The following DLGAP2 variants were observed in gnomAD, a reference collection of about 807,000 sequenced individuals.
DLGAP2 encodes disks large-associated protein 2.
DLGAP2 carries 26 observed loss-of-function variants against 100.3 expected under a neutral mutation model. The observed-to-expected ratio is 0.26, with a 90% CI of 0.19 to 0.36. DLGAP2 has a LOEUF of 0.36. DLGAP2 is among the 10% of genes least tolerant of loss of function. The probability of loss-of-function intolerance (pLI) is 1.00; values close to 1 mark genes in which losing one functional copy is unlikely to be tolerated. For synonymous variants in DLGAP2, 886 were observed against 630.1 expected (o/e 1.41, Z -6.08); for missense variants, 1,858 against 1,453.2 (o/e 1.28, Z -4.53).
At chr8:1,666,439 G>A (rs1359564495) in intron 8 of DLGAP2, among the ~76,000 whole-genome samples, 3 of 152,166 alleles carry the variant, frequency 2.0e-5, no homozygotes, top group Non-Finnish European at 2.9e-5. Flanking sequence ...TTGGGAGACC[G>A]AGGTGGGTGG....
At chr8:1,190,588 C>G (rs10108815) in intron 2 of DLGAP2, among the ~76,000 whole-genome samples, 65,889 of 151,978 alleles carry the variant, frequency 0.43, 14,399 homozygotes, top group Non-Finnish European at 0.46. Flanking sequence ...CCGCCTGTCG[C>G]AATCAGCATT....
chr8:1,680,470 A>C (rs1300839398), intron 12 of DLGAP2: 1 of 152,208 alleles, frequency 6.6e-6, no homozygotes, highest in African/African-American at 2.4e-5. Context: ...TGAAGAAAGA[A>C]AGACATTGCC....
intron 4 of DLGAP2, among the ~76,000 whole-genome samples, chr8:1,532,564 A>T (rs542572113): frequency 6.6e-6 from 1 of 152,308 alleles, no homozygotes; most frequent in African/African-American, 2.4e-5. Context: ...TATTTCTCAG[A>T]AGGTCACACT....
intron 3 of DLGAP2, among the ~76,000 whole-genome samples, chr8:1,329,926 T>A (rs1166795473): frequency 2.6e-5 from 4 of 152,236 alleles, no homozygotes; most frequent in Admixed American, 2.0e-4. Flanking sequence ...CGCCCTGCCG[T>A]GCAGTAGAAC....
intron 4 of DLGAP2, among the ~76,000 whole-genome samples, chr8:1,528,016 C>A (rs1040240482): frequency 3.3e-5 from 5 of 152,124 alleles, no homozygotes; most frequent in African/African-American, 1.2e-4. Flanking sequence ...AGAAAAAAGT[C>A]CTTACTGAAA....
intron 6 of DLGAP2, among the ~76,000 whole-genome samples, chr8:1,617,230 T>A (rs1709895736): frequency 6.6e-6 from 1 of 152,274 alleles, no homozygotes; most frequent in Non-Finnish European, 1.5e-5. Context: ...TCTCTTCCTT[T>A]GTGTGTATAC....
chr8:827,867 G>A (rs531240426), intron 1 of DLGAP2, among the ~76,000 whole-genome samples: 2 of 152,164 alleles, frequency 1.3e-5, no homozygotes, highest in South Asian at 2.1e-4. Flanking sequence ...CCTAAGCGTC[G>A]GCTGGCTTGA....
chr8:1,064,885 T>G (rs1382411330), intron 2 of DLGAP2, among the ~76,000 whole-genome samples: 2 of 152,162 alleles, frequency 1.3e-5, no homozygotes, highest in African/African-American at 4.8e-5. Context: ...ACACCTAATG[T>G]GGAGAATCCG....
chr8:1,154,637 C>G (rs1033082459), intron 2 of DLGAP2, among the ~76,000 whole-genome samples: 4 of 152,146 alleles, frequency 2.6e-5, no homozygotes, highest in African/African-American at 9.7e-5. Context: ...ATTAAAAACC[C>G]CAGCAGCCAG....
intron 3 of DLGAP2, among the ~76,000 whole-genome samples, chr8:1,408,605 C>G (rs1796642335): frequency 1.3e-5 from 2 of 152,184 alleles, no homozygotes; most frequent in African/African-American, 4.8e-5. Context: ...GTTTCTAAGC[C>G]TGTTTTCTGG....
At chr8:837,278 C>T (rs904986019) in intron 1 of DLGAP2, among the ~76,000 whole-genome samples, 3 of 152,206 alleles carry the variant, frequency 2.0e-5, no homozygotes, top group African/African-American at 7.2e-5. Context: ...CGGACCTGTG[C>T]AGCCTGCAGA....
intron 2 of DLGAP2, among the ~76,000 whole-genome samples, chr8:1,199,132 C>A (rs139721391): frequency 2.1e-3 from 326 of 152,342 alleles, no homozygotes; most frequent in Non-Finnish European, 2.1e-3. Context: ...ATACACACAA[C>A]AACAACCGCA....
chr8:1,541,525 G>C (rs1563209997), intron 4 of DLGAP2, among the ~76,000 whole-genome samples: 1 of 152,168 alleles, frequency 6.6e-6, no homozygotes, highest in Non-Finnish European at 1.5e-5. Flanking sequence ...CTGAGGTATA[G>C]CCTCGGTTTA....
At chr8:744,247 G>A (rs1338810547) in intron 1 of DLGAP2, among the ~76,000 whole-genome samples, 1 of 152,124 alleles carries the variant, frequency 6.6e-6, no homozygotes, top group African/African-American at 2.4e-5. Context: ...ACGAGATTGG[G>A]TTGGGAAGGT....
chr8:787,238 T>C (rs756265157), intron 1 of DLGAP2, among the ~76,000 whole-genome samples: 9 of 152,268 alleles, frequency 5.9e-5, no homozygotes, highest in Non-Finnish European at 8.8e-5. Flanking sequence ...CAATCGCTCG[T>C]GTTCGAACGT....
At position 1,678,339 on chromosome 8, in the gene DLGAP2, G is replaced by A. The variant is rs767410199; in HGVS notation, c.2414G>A (p.Arg805Gln). ...CTTCAGTTCGGCTCATCCTTCCAGC[G>A]GCACTCCGAGCCCAGCACCCCCACC... ...KGLQFGSSFQ[R>Q]HSEPSTPTQY... Residue 805 changes from arginine to glutamine, a missense_variant, in exon 12 of 15, where the codon CGG becomes CAG. Transcript: ENST00000637795. The A allele has an allele frequency of 1.1e-5, 18 of 1,613,876 alleles. No individual in the cohort carries two copies. The highest frequency in any genetic ancestry group is 5.3e-5 in the African/African-American group (4 of 74,920).
intron 3 of DLGAP2, among the ~76,000 whole-genome samples, chr8:1,377,715 G>GT (rs1795991669): frequency 6.6e-6 from 1 of 152,172 alleles, no homozygotes; most frequent in Non-Finnish European, 1.5e-5. Context: ...GCTCCCTCCT[G>GT]TCTCCTCCCA....
rs936758884 is a variant in DLGAP2 at position 785,425 on chromosome 8, C to A, written c.18+47600C>A. Among the ~76,000 whole-genome samples, 4 of 151,150 alleles carry A rather than the reference C, an allele frequency of 2.6e-5. No individual in the cohort carries two copies. In the East Asian group the frequency reaches 7.9e-4, roughly 30 times the overall value. On this transcript the variant is annotated intron_variant, in intron 1 of 14. Coordinates refer to ENST00000637795, the MANE Select transcript of DLGAP2 (RefSeq NM_001346810.2). ...TCCTCCCCTCAGGTCTCTCTGAGAC[C>A]GGCTTCTCTCCTCCCCTCAGGTCTC...
intron 3 of DLGAP2, among the ~76,000 whole-genome samples, chr8:1,367,708 G>A (rs1009835505): frequency 6.6e-5 from 10 of 152,214 alleles, no homozygotes; most frequent in Non-Finnish European, 1.5e-5. Flanking sequence ...AGTGTTTAAT[G>A]CGTGTCTCAT....
Sources: gnomAD v4.1 joint callset for allele counts (sites outside exome capture counted in the v4.1 genomes callset) on GRCh38, gnomAD v4.1.1 for gene constraint, MANE v1.5 for transcripts, NCBI Gene and HGNC (gene_info 2026-07-23, HGNC 2026-07-21) for gene names.